Variants in ATP8A2 observed in about 807,000 individuals in gnomAD.
ATP8A2 encodes phospholipid-transporting ATPase IB.
Under a neutral mutation model 165.6 loss-of-function variants are expected in ATP8A2, and 100 were observed. That is an observed-to-expected ratio of 0.60 (90% CI 0.51 to 0.71). The LOEUF is 0.71. ATP8A2 is among the 30% of genes least tolerant of loss of function. The probability of loss-of-function intolerance (pLI) is 0.00; values close to 1 mark genes in which losing one functional copy is unlikely to be tolerated. For synonymous variants in ATP8A2, 543 were observed against 548.8 expected (o/e 0.99, Z 0.15); for missense variants, 1,227 against 1,479.5 (o/e 0.83, Z 2.80).
intron 1 of ATP8A2, among the ~76,000 whole-genome samples, chr13:25,450,459 T>C (rs1316036814): frequency 6.6e-6 from 1 of 152,220 alleles, no homozygotes; most frequent in Non-Finnish European, 1.5e-5. Flanking sequence ...TAAGTGTTCC[T>C]TTTTCTCCAC....
chr13:25,718,952 G>A lies in ATP8A2; in HGVS notation c.2384+19607G>A, dbSNP rs538311713. Among the ~76,000 whole-genome samples the A allele has an allele frequency of 1.3e-3, 196 of 152,272 alleles. 1 individual carries two copies. The highest frequency in any genetic ancestry group is 3.9e-3 in the African/African-American group (163 of 41,560). The stretch of plus-strand genomic sequence containing the variant: ...CCTGTTGATGTGTAAGAACATACGC[G>A]TGCATGTGGGGACACCAGTGGCATT... On this transcript the variant is annotated intron_variant, in intron 25 of 36. Transcript: ENST00000381655.
At position 25,425,583 on chromosome 13, in the gene ATP8A2, C is replaced by CTTTTTTTT. The variant is rs1197808475; in HGVS notation, c.77-43392_77-43385dup. On this transcript the variant is annotated intron_variant, in intron 1 of 36. Transcript: ENST00000381655. ...CTTTTCAGATTGGCTTCTTTCTTTC[C>CTTTTTTTT]TTTTTTTTTGAGATGGAGTCTTGCT... Among the ~76,000 whole-genome samples the CTTTTTTTT allele has an allele frequency of 4.2e-3, 473 of 111,994 alleles. 5 individuals carry two copies. Among genetic ancestry groups the CTTTTTTTT allele is most frequent in the African/African-American group, 0.012 (407 of 33,614 alleles). 73.5% of individuals were successfully genotyped at this position (111,994 alleles called of 152,430 possible).
At position 25,545,050 on chromosome 13, in the gene ATP8A2, G is replaced by A. The variant is rs568434764; in HGVS notation, c.891+1648G>A. Among the ~76,000 whole-genome samples the A allele has an allele frequency of 7.9e-5, 12 of 152,074 alleles. 1 individual carries two copies. The highest frequency in any genetic ancestry group is 6.8e-3 in the Middle Eastern group (2 of 294). On this transcript the variant is annotated intron_variant, in intron 10 of 36. Transcript: ENST00000381655. ...CTACTGGCGCACCGTCTGCTTGGGG[G>A]TACTCAAGGGAGGCGTGTCCTTGAC...
chr13:26,003,776 G>A (rs1024346921), intron 35 of ATP8A2, among the ~76,000 whole-genome samples: 1 of 152,072 alleles, frequency 6.6e-6, no homozygotes, highest in South Asian at 2.1e-4. Flanking sequence ...TAAAGATGCT[G>A]CTTTTTCTTC....
At chr13:25,617,232 GT>G (rs1271018127) in intron 24 of ATP8A2, among the ~76,000 whole-genome samples, 1 of 152,074 alleles carries the variant, frequency 6.6e-6, no homozygotes, top group East Asian at 1.9e-4. Flanking sequence ...AAAGTTAATT[GT>G]TTTGACTATA....
At chr13:25,963,615 G>T (rs1260441221) in intron 34 of ATP8A2, among the ~76,000 whole-genome samples, 1 of 152,150 alleles carries the variant, frequency 6.6e-6, no homozygotes, top group East Asian at 1.9e-4. Flanking sequence ...CTAGTAACAT[G>T]ATTATAAATT....
At position 25,609,952 on chromosome 13, in the gene ATP8A2, T is replaced by G. The variant is rs1338233903; in HGVS notation, c.2211+20253T>G. Among the ~76,000 whole-genome samples the G allele has an allele frequency of 3.3e-5, 5 of 152,048 alleles. No homozygotes were observed. The East Asian group carries it at 7.7e-4, about 23-fold the overall frequency. On this transcript the variant is annotated intron_variant, in intron 24 of 36. Transcript: ENST00000381655. ...TGTCTATCCATGTCCTTAGCCCACT[T>G]TTTGATAGGATTGTTTTTTTATTGC...
At chr13:25,782,121 C>T (rs1320426082) in intron 27 of ATP8A2, among the ~76,000 whole-genome samples, 2 of 152,226 alleles carry the variant, frequency 1.3e-5, no homozygotes, top group Non-Finnish European at 2.9e-5. Context: ...TACCTCAAAA[C>T]AATGTGTTTC....
chr13:25,562,298 T>A (rs960465554), intron 15 of ATP8A2, among the ~76,000 whole-genome samples: 2 of 152,188 alleles, frequency 1.3e-5, no homozygotes, highest in Non-Finnish European at 2.9e-5. Context: ...TTTTCAGGTT[T>A]TGTTTGTTTT....
intron 33 of ATP8A2, among the ~76,000 whole-genome samples, chr13:25,879,222 T>C (rs1388730005): frequency 6.6e-6 from 1 of 152,240 alleles, no homozygotes; most frequent in Non-Finnish European, 1.5e-5. Flanking sequence ...TGAGAAATGC[T>C]TTATCGAGCA....
At chr13:25,572,328 G>A (rs986632147) in intron 18 of ATP8A2, among the ~76,000 whole-genome samples, 1 of 152,126 alleles carries the variant, frequency 6.6e-6, no homozygotes, top group Non-Finnish European at 1.5e-5. Flanking sequence ...TAGTAGAGAC[G>A]AGGTTTTGCC....
Position 26,016,209 on chromosome 13 carries a change from G to A in ATP8A2, c.3469+3587G>A, listed in dbSNP as rs114650381. On this transcript the variant is annotated intron_variant, in intron 36 of 36. Transcript: ENST00000381655. The stretch of plus-strand genomic sequence containing the variant: ...CGGTTAAGGTTAAGAAAGTCTTAGC[G>A]TACAACACGCTGGAAATGTGGTGGT... Among the ~76,000 whole-genome samples the A allele has an allele frequency of 1.6e-3, 241 of 152,314 alleles. 3 individuals are homozygous for A. The highest frequency in any genetic ancestry group is 5.4e-3 in the African/African-American group (224 of 41,572).
chr13:25,469,605 G>C (rs191359548), intron 2 of ATP8A2, among the ~76,000 whole-genome samples: 21 of 152,254 alleles, frequency 1.4e-4, no homozygotes, highest in Non-Finnish European at 2.6e-4. Flanking sequence ...CATTTGCTGC[G>C]AAACTTTGCC....
intron 1 of ATP8A2, among the ~76,000 whole-genome samples, chr13:25,399,723 C>G (rs987244211): frequency 6.6e-6 from 1 of 151,070 alleles, no homozygotes; most frequent in Non-Finnish European, 1.5e-5. Context: ...TTTTTCTTCT[C>G]CTTCCTCTTC....
chr13:25,930,184 C>T (rs1954731327), intron 33 of ATP8A2, among the ~76,000 whole-genome samples: 4 of 152,258 alleles, frequency 2.6e-5, no homozygotes, highest in Admixed American at 2.6e-4. Context: ...ACACTCTCCC[C>T]TCACTTCTGC....
At chr13:25,575,561 C>T (rs1593566809) in intron 19 of ATP8A2, among the ~76,000 whole-genome samples, 1 of 152,090 alleles carries the variant, frequency 6.6e-6, no homozygotes, top group Non-Finnish European at 1.5e-5. Flanking sequence ...TTTGAATAAC[C>T]TTTGTTAAAC....
At chr13:25,791,709 G>A (rs1593353126) in intron 27 of ATP8A2, among the ~76,000 whole-genome samples, 1 of 151,956 alleles carries the variant, frequency 6.6e-6, no homozygotes, top group East Asian at 1.9e-4. Context: ...CCTCCCTTCA[G>A]GACACTCTTA....
At chr13:25,518,301 G>T (rs898037902) in intron 2 of ATP8A2, among the ~76,000 whole-genome samples, 3 of 152,212 alleles carry the variant, frequency 2.0e-5, no homozygotes, top group Non-Finnish European at 2.9e-5. Context: ...AGGATGGAAG[G>T]CTTCCAGGAC....
At chr13:25,873,431 G>A (rs1952732992) in intron 33 of ATP8A2, among the ~76,000 whole-genome samples, 1 of 152,184 alleles carries the variant, frequency 6.6e-6, no homozygotes, top group Admixed American at 6.5e-5. Flanking sequence ...AACCAGCTGA[G>A]CAAAAAGAAT....
Sources: allele counts gnomAD v4.1 joint callset (sites outside exome capture counted in the v4.1 genomes callset), GRCh38; gene constraint gnomAD v4.1.1; transcripts MANE v1.5; gene names NCBI Gene and HGNC (gene_info 2026-07-23, HGNC 2026-07-21).